Variants in NPIPB6 observed in about 807,000 individuals in gnomAD.
NPIPB6 encodes nuclear pore complex-interacting protein family member B6.
A neutral mutation model predicts 20.0 loss-of-function variants in NPIPB6; 2 were observed. The ratio of observed to expected loss-of-function variants is 0.10; its 90% confidence interval spans 0.04 to 0.31. NPIPB6 has a LOEUF of 0.31. Ranked by LOEUF, NPIPB6 falls within the 10% of genes least tolerant of loss-of-function variation. The pLI, the probability that NPIPB6 is intolerant of heterozygous loss-of-function variation, is 1.00. For missense variants in NPIPB6, 96 were observed against 293.7 expected, an observed-to-expected ratio of 0.33 and a Z score of 4.92; for synonymous variants, 35 against 116.3, an observed-to-expected ratio of 0.30 and a Z score of 4.50.
intron 2 of NPIPB6, among the ~76,000 whole-genome samples, chr16:28,349,499 C>A (rs1463919766): frequency 9.4e-6 from 1 of 106,144 alleles, no homozygotes; most frequent in Non-Finnish European, 2.1e-5. Context: ...TGCAGTGAGC[C>A]GAGATCACAC....
rs539687877 is a variant in NPIPB6, at chr16:28,348,237, G to C, written c.599+597C>G. On this transcript the variant is annotated intron_variant, in intron 4 of 6. Transcript: ENST00000532254. ...TGCAGTGAGCCAAGATTGCACCATA[G>C]CACTCCAGCCAGGGCGACAGAGCGA... is the stretch of plus-strand genomic sequence containing the variant. Among the ~76,000 whole-genome samples the C allele has an allele frequency of 6.5e-3, 727 of 111,634 alleles. 117 individuals are homozygous for C. The highest frequency in any genetic ancestry group is 0.032 in the Middle Eastern group (8 of 252). The allele number at this position is 111,634 out of a possible 152,430, so 73.2% of individuals were successfully genotyped here.
rs1042953498 is a variant in NPIPB6, at chr16:28,347,937, C to A, written c.599+897G>T. ...CCAGCTTGGCCAATATGGTGAAACC[C>A]CGCCTCTACTAAGAATACAAAAATT... On this transcript the variant is annotated intron_variant, in intron 4 of 6. Coordinates refer to ENST00000532254, the Ensembl canonical transcript of NPIPB6. Among the ~76,000 whole-genome samples the A allele has an allele frequency of 3.5e-5, 4 of 114,928 alleles. 1 individual carries two copies. The highest frequency in any genetic ancestry group is 1.2e-4 in the African/African-American group (4 of 33,868). 75.4% of individuals were successfully genotyped at this position (114,928 alleles called of 152,430 possible). A position where few individuals can be genotyped will look rare whatever the true frequency, so the allele number is the denominator to read the frequency against.
intron 1 of NPIPB6, among the ~76,000 whole-genome samples, chr16:28,355,760 A>T (rs1450397244): frequency 5.4e-4 from 70 of 128,794 alleles, no homozygotes; most frequent in South Asian, 1.2e-3. Context: ...CTGTCTCAAA[A>T]AAATAAATAA....
intron 2 of NPIPB6, among the ~76,000 whole-genome samples, chr16:28,350,152 C>G (rs1196017562): frequency 9.6e-6 from 1 of 103,898 alleles, no homozygotes; most frequent in African/African-American, 3.2e-5. Flanking sequence ...AGCCAAGATC[C>G]CACCACTGCA....
chr16:28,351,698 T>G (rs1414243860), intron 2 of NPIPB6, among the ~76,000 whole-genome samples: 2 of 114,350 alleles, frequency 1.7e-5, no homozygotes, highest in Non-Finnish European at 2.0e-5. Flanking sequence ...ATACCGAAAA[T>G]TCTCTGTTCA....
intron 1 of NPIPB6, among the ~76,000 whole-genome samples, chr16:28,359,203 A>T (rs1302047562): frequency 8.5e-6 from 1 of 118,024 alleles, no homozygotes; most frequent in South Asian, 3.1e-4. Context: ...AGAGAGTACT[A>T]TAATGTCCAT....
At chr16:28,343,034 G>A in exon 7 of NPIPB6, 1 of 1,454,830 alleles carries the variant, frequency 6.9e-7, no homozygotes, top group African/African-American at 1.4e-5. Flanking sequence ...ACACTCAGTA[G>A]GTGTCTTGAG....
chr16:28,359,157 G>T (rs1234416369), intron 1 of NPIPB6, among the ~76,000 whole-genome samples: 1 of 138,926 alleles, frequency 7.2e-6, no homozygotes, highest in Non-Finnish European at 1.5e-5. Flanking sequence ...CCAAGTAAGT[G>T]GGGGTTGAAG....
chr16:28,342,998 A>T lies in NPIPB6; in HGVS notation c.887T>A (p.Val296Glu), dbSNP rs200052562. ...AGGACACTCCTTGATATTATCATCC[A>T]CTGAGGGTGGAAGGGGAGTGAGCAG... The change falls in exon 7 of 7, where the codon GTG becomes GAG. Residue 296 changes from valine to glutamate, a missense_variant. Val to Glu is a moderately radical substitution (Grantham distance 121, BLOSUM62 -2). This residue lies in a region of NPIPB6 where 81 missense variants were observed against 190.9 expected (regional missense o/e 0.42). Transcript: ENST00000532254. 6.4e-6 allele frequency: 10 copies of T among 1,559,204 alleles called. No individual in the cohort carries two copies. In the African/African-American group the frequency reaches 1.4e-4, roughly 22 times the overall value.
chr16:28,361,764 G>A (rs200417069), intron 1 of NPIPB6, among the ~76,000 whole-genome samples: 10,919 of 53,090 alleles, frequency 0.21, 181 homozygotes, highest in Middle Eastern at 0.34. Context: ...GTGTGTGTGT[G>A]TGTGTATGTG....
At chr16:28,361,949 C>T (rs1474924188) in intron 1 of NPIPB6, among the ~76,000 whole-genome samples, 2 of 149,824 alleles carry the variant, frequency 1.3e-5, no homozygotes, top group African/African-American at 4.9e-5. Context: ...ATATGTATTA[C>T]ATGTTGTAAA....
intron 1 of NPIPB6, among the ~76,000 whole-genome samples, chr16:28,361,738 G>A (rs1376128750): frequency 1.6e-5 from 1 of 62,348 alleles, no homozygotes; most frequent in South Asian, 3.9e-4. Context: ...ATATGTGTGT[G>A]TGTGTGTGTG....
chr16:28,348,300 C>T (rs1310457798), intron 4 of NPIPB6, among the ~76,000 whole-genome samples: 2 of 108,058 alleles, frequency 1.9e-5, no homozygotes, highest in Admixed American at 2.1e-4. Flanking sequence ...AAAAAAAAGG[C>T]TGGGTGTGGT....
At chr16:28,356,607 G>A in intron 1 of NPIPB6, 1 of 299,448 alleles carries the variant, frequency 3.3e-6, no homozygotes, top group Non-Finnish European at 5.8e-6. Flanking sequence ...CGCATGTCAT[G>A]ATCCTTTCAG....
At chr16:28,348,492 A>ATTGC (rs2045142320) in intron 4 of NPIPB6, among the ~76,000 whole-genome samples, 1 of 100,302 alleles carries the variant, frequency 1.0e-5, no homozygotes, top group South Asian at 2.9e-4. Context: ...AGGCAGGAGA[A>ATTGC]TTGCTTGAAG....
At chr16:28,349,941 G>A (rs80134791) in intron 2 of NPIPB6, among the ~76,000 whole-genome samples, 11 of 102,614 alleles carry the variant, frequency 1.1e-4, no homozygotes, top group South Asian at 2.9e-4. Context: ...GCTCACGCCT[G>A]TAATCCCAGC....
rs1298607384 is a variant in NPIPB6, at chr16:28,343,237, C to A, written c.697-49G>T. The A allele has an allele frequency of 4.5e-6, 6 of 1,338,764 alleles. No individual in the cohort carries two copies. In the African/African-American group the frequency reaches 8.4e-5, roughly 19 times the overall value. 82.9% of individuals were successfully genotyped at this position (1,338,764 alleles called of 1,614,324 possible). On this transcript the variant is annotated intron_variant, in intron 6 of 6. Transcript: ENST00000532254. Reference sequence around the variant, plus strand: ...TTTTCACACATATTCATTTGATGGACAAAATTACCACCACCAACACAGTCT... The same window carrying A: ...TTTTCACACATATTCATTTGATGGAAAAAATTACCACCACCAACACAGTCT...
chr16:28,359,101 A>C (rs1177551194), intron 1 of NPIPB6, among the ~76,000 whole-genome samples: 3 of 145,130 alleles, frequency 2.1e-5, no homozygotes, highest in Admixed American at 6.9e-5. Context: ...AGAAAAAAAA[A>C]AAAAAAAGCC....
Position 28,350,064 on chromosome 16 carries a change from A to G in NPIPB6, c.304-823T>C, listed in dbSNP as rs1268812088. 9.9e-5 allele frequency among the ~76,000 whole-genome samples: 8 copies of G among 80,812 alleles called. No individual in the cohort carries two copies. The East Asian group carries it at 1.2e-3, about 12-fold the overall frequency. 53.0% of individuals were successfully genotyped at this position (80,812 alleles called of 152,430 possible). On this transcript the variant is annotated intron_variant, in intron 2 of 6. Transcript: ENST00000532254. Reference sequence around the variant, plus strand: ...ATACAAAAATTAGCTGAGCATGGTGATGCACGCCTGTAGTCCCAGCTACTC... The same window carrying G: ...ATACAAAAATTAGCTGAGCATGGTGGTGCACGCCTGTAGTCCCAGCTACTC...
Sources: allele counts gnomAD v4.1 joint callset (sites outside exome capture counted in the v4.1 genomes callset), GRCh38; gene constraint gnomAD v4.1.1; regional missense constraint gnomAD v4.1.1; transcripts MANE v1.5; gene names NCBI Gene and HGNC (gene_info 2026-07-23, HGNC 2026-07-21).